CDH20: variants seen among roughly 807,000 people sequenced by gnomAD.
CDH20 encodes cadherin-20.
In CDH20, 29 loss-of-function variants were observed where a neutral mutation model predicts 74.2. The ratio of observed to expected loss-of-function variants is 0.39; its 90% CI spans 0.29 to 0.53. The LOEUF (loss-of-function observed/expected upper bound fraction) is 0.53. CDH20 is among the 20% of genes least tolerant of loss of function. CDH20 has a pLI of 0.69. For missense variants in CDH20, 988 were observed against 1,048.3 expected, an observed-to-expected ratio of 0.94 and a Z score of 0.79; for synonymous variants, 469 against 405.4, an observed-to-expected ratio of 1.16 and a Z score of -1.88.
intron 5 of CDH20, among the ~76,000 whole-genome samples, chr18:61,503,776 C>T (rs1911469064): frequency 6.6e-6 from 1 of 152,174 alleles, no homozygotes; most frequent in Admixed American, 6.5e-5. Flanking sequence ...TTGAACAGTG[C>T]AAGATGATGC....
At chr18:61,500,597 C>T in intron 4 of CDH20, 95 bp downstream of exon 4, 1 of 1,338,342 alleles carries the variant, frequency 7.5e-7, no homozygotes, top group South Asian at 1.5e-5. Flanking sequence ...AAGGACTCTC[C>T]AGGGAGTGTA....
chr18:61,343,366 G>A (rs1188219778), intron 1 of CDH20, among the ~76,000 whole-genome samples: 1 of 152,172 alleles, frequency 6.6e-6, no homozygotes, highest in Non-Finnish European at 1.5e-5. Flanking sequence ...GGTCAAAAAG[G>A]CTGATATGAT....
intron 1 of CDH20, among the ~76,000 whole-genome samples, chr18:61,437,120 T>C (rs1014843500): frequency 1.3e-5 from 2 of 152,174 alleles, no homozygotes; most frequent in Non-Finnish European, 2.9e-5. Flanking sequence ...TCACAGTTAA[T>C]ATTCAATACA....
At chr18:61,531,569 G>A (rs967771945) in intron 7 of CDH20, among the ~76,000 whole-genome samples, 1 of 152,160 alleles carries the variant, frequency 6.6e-6, no homozygotes, top group African/African-American at 2.4e-5. Flanking sequence ...TAATAATCTA[G>A]TCCATTTTAA....
intron 1 of CDH20, among the ~76,000 whole-genome samples, chr18:61,386,096 C>T (rs921953974): frequency 2.6e-5 from 4 of 152,098 alleles, no homozygotes; most frequent in African/African-American, 9.7e-5. Flanking sequence ...GGATATACTG[C>T]AACAATTACT....
chr18:61,476,862 C>A (rs1345515977), intron 1 of CDH20, among the ~76,000 whole-genome samples: 6 of 151,976 alleles, frequency 3.9e-5, no homozygotes, highest in Admixed American at 3.3e-4. Context: ...TTTGATAAGT[C>A]CTTTGTTAAC....
intron 1 of CDH20, among the ~76,000 whole-genome samples, chr18:61,405,493 A>G (rs988659575): frequency 6.6e-6 from 1 of 152,236 alleles, no homozygotes; most frequent in Non-Finnish European, 1.5e-5. Context: ...GGGCTGAGGC[A>G]GGAGGATTGC....
In CDH20 at chr18:61,555,507, T is replaced by A. The variant is rs1470888494; in HGVS notation, c.*812T>A. On this transcript the variant is annotated 3_prime_UTR_variant, in exon 12 of 12. Coordinates refer to ENST00000262717, the MANE Select transcript of CDH20 (RefSeq NM_031891.4). Reference sequence around the variant, plus strand: ...TCTTCCATGTGCCAAATGTGGAGATTAGATGCTACAAATGAAAGCCAAATA... The same window carrying A: ...TCTTCCATGTGCCAAATGTGGAGATAAGATGCTACAAATGAAAGCCAAATA... 3.0e-6 allele frequency: 3 copies of A among 985,296 alleles called. No individual in the cohort carries two copies. Among genetic ancestry groups the A allele is most frequent in the East Asian group, 1.1e-4 (1 of 8,834 alleles). 61.0% of individuals were successfully genotyped at this position (985,296 alleles called of 1,614,324 possible). A position where few individuals can be genotyped will look rare whatever the true frequency, so the allele number is the denominator to read the frequency against.
At chr18:61,544,748 C>T (rs1054869163) in intron 9 of CDH20, among the ~76,000 whole-genome samples, 1 of 151,956 alleles carries the variant, frequency 6.6e-6, no homozygotes, top group Non-Finnish European at 1.5e-5. Context: ...GAATGGGGGG[C>T]GTGGTGGGCC....
At chr18:61,544,917 T>G in intron 9 of CDH20, 110 bp from the exon 10 acceptor site, 1 of 736,762 alleles carries the variant, frequency 1.4e-6, no homozygotes, top group African/African-American at 1.7e-5. Flanking sequence ...ATGATATCCT[T>G]CTCATAAGGT....
intron 1 of CDH20, among the ~76,000 whole-genome samples, chr18:61,464,557 G>A (rs778652975): frequency 6.6e-6 from 1 of 152,162 alleles, no homozygotes; most frequent in Non-Finnish European, 1.5e-5. Flanking sequence ...TGGATGCTTT[G>A]ATTCACTGCA....
intron 1 of CDH20, among the ~76,000 whole-genome samples, chr18:61,343,275 A>C (rs2144095627): frequency 6.6e-6 from 1 of 152,348 alleles, no homozygotes; most frequent in South Asian, 2.1e-4. Context: ...AATTTGTGGC[A>C]TGGACATGCA....
intron 1 of CDH20, among the ~76,000 whole-genome samples, chr18:61,357,947 T>C (rs1910547767): frequency 6.6e-6 from 1 of 152,114 alleles, no homozygotes; most frequent in Non-Finnish European, 1.5e-5. Context: ...TGCTGTTCCC[T>C]CTGCCTAGAC....
intron 1 of CDH20, among the ~76,000 whole-genome samples, chr18:61,374,987 T>C (rs1911169675): frequency 6.6e-6 from 1 of 152,174 alleles, no homozygotes; most frequent in East Asian, 1.9e-4. Context: ...TGAAAGTTAC[T>C]GAACTCATAG....
chr18:61,401,042 ATC>A (rs1462331152), intron 1 of CDH20, among the ~76,000 whole-genome samples: 3 of 152,152 alleles, frequency 2.0e-5, no homozygotes, highest in African/African-American at 7.2e-5. Flanking sequence ...TCCCTGGAAT[ATC>A]TCCTACCTCT....
chr18:61,394,604 A>G (rs1000581667), intron 1 of CDH20, among the ~76,000 whole-genome samples: 10 of 152,162 alleles, frequency 6.6e-5, no homozygotes, highest in Non-Finnish European at 1.2e-4. Flanking sequence ...TTGGAATTCC[A>G]ACCTCCAGAA....
intron 1 of CDH20, among the ~76,000 whole-genome samples, chr18:61,465,002 A>T (rs1238613985): frequency 1.3e-5 from 2 of 152,230 alleles, no homozygotes; most frequent in African/African-American, 4.8e-5. Flanking sequence ...TAACTTCAGG[A>T]AATGACACTA....
chr18:61,553,664 T>C (rs1286059527), intron 11 of CDH20, among the ~76,000 whole-genome samples: 4 of 152,174 alleles, frequency 2.6e-5, no homozygotes, highest in Non-Finnish European at 2.9e-5. Flanking sequence ...GGTGCACACT[T>C]AGTATGTGTG....
At chr18:61,405,677 C>T (rs1912307485) in intron 1 of CDH20, among the ~76,000 whole-genome samples, 1 of 152,174 alleles carries the variant, frequency 6.6e-6, no homozygotes, top group Admixed American at 6.5e-5. Context: ...AGCAGTGGTT[C>T]TCAAAGTGTG....
Sources: gnomAD v4.1 joint callset for allele counts (sites outside exome capture counted in the v4.1 genomes callset) on GRCh38, gnomAD v4.1.1 for gene constraint, MANE v1.5 for transcripts, NCBI Gene and HGNC (gene_info 2026-07-23, HGNC 2026-07-21) for gene names.